MIAT: variants seen among roughly 807,000 people sequenced by gnomAD.
MIAT encodes the protein MI related novel mRNA.
At chr22:26,670,635 T>G (rs1311128470), downstream of MIAT, 2 of 386,348 alleles carry the variant, frequency 5.2e-6, no homozygotes, top group East Asian at 7.2e-5. Context: ...AAGCAGGTTC[T>G]AATTCAAATT....
At chr22:26,667,098 G>T in intron 4 of MIAT, 2 of 395,306 alleles carry the variant, frequency 5.1e-6, no homozygotes, top group Non-Finnish European at 8.9e-6. Flanking sequence ...TGCTTGCTCT[G>T]TGTGGTCTTG....
chr22:26,651,789 CA>C (rs1930340675), intron 2 of MIAT, among the ~76,000 whole-genome samples: 1 of 152,214 alleles, frequency 6.6e-6, no homozygotes, highest in South Asian at 2.1e-4. Context: ...GAAGCCAGCA[CA>C]AAAGGTCACA....
intron 2 of MIAT, among the ~76,000 whole-genome samples, chr22:26,656,800 C>G (rs937706943): frequency 6.6e-6 from 1 of 152,054 alleles, no homozygotes; most frequent in Admixed American, 6.6e-5. Flanking sequence ...ACTCCGAAGG[C>G]TGAGGCGGGG....
intron 2 of MIAT, among the ~76,000 whole-genome samples, chr22:26,651,504 G>C (rs1243571212): frequency 6.6e-6 from 1 of 152,184 alleles, no homozygotes; most frequent in Admixed American, 6.5e-5. Flanking sequence ...ACTAAGGCAA[G>C]GTGGGGGAAT....
chr22:26,661,600 C>T (rs1294324258), intron 2 of MIAT, among the ~76,000 whole-genome samples: 1 of 152,034 alleles, frequency 6.6e-6, no homozygotes, highest in African/African-American at 2.4e-5. Context: ...GGGAAACAGG[C>T]TCAGAGAGGT....
rs561570311 is a variant in MIAT, at chr22:26,654,537, G to A, written n.646+7226G>A. 3.3e-3 allele frequency among the ~76,000 whole-genome samples: 507 copies of A among 152,142 alleles called. 1 individual carries two copies. Among genetic ancestry groups the A allele is most frequent in the Non-Finnish European group, 5.0e-3 (337 of 67,984 alleles). ...TATTTCCCTTTTTGTTTGTGTCTAG[G>A]GAGACTAGACTGGTGAATTAGGGGG... is the stretch of plus-strand genomic sequence containing the variant. On this transcript the variant is annotated intron_variant and non_coding_transcript_variant, in intron 2 of 5. Transcript: ENST00000643270.
intron 2 of MIAT, among the ~76,000 whole-genome samples, chr22:26,661,777 T>A (rs1930670535): frequency 6.6e-6 from 1 of 151,462 alleles, no homozygotes; most frequent in South Asian, 2.1e-4. Flanking sequence ...CGGCATAAAC[T>A]GAACAGAGAT....
chr22:26,674,111 A>G, downstream of MIAT: 2 of 398,660 alleles, frequency 5.0e-6, no homozygotes. Context: ...TGGAAGTTCT[A>G]GGACATAAAG....
intron 2 of MIAT, among the ~76,000 whole-genome samples, chr22:26,653,293 G>A (rs1235949132): frequency 1.3e-5 from 2 of 152,170 alleles, no homozygotes; most frequent in African/African-American, 2.4e-5. Flanking sequence ...CTGAACATGA[G>A]GGTCCACTCC....
At chr22:26,647,928 AG>A (rs1930265944) in intron 2 of MIAT, among the ~76,000 whole-genome samples, 1 of 151,948 alleles carries the variant, frequency 6.6e-6, no homozygotes, top group Non-Finnish European at 1.5e-5. Context: ...GTGAAACTGG[AG>A]GAAGGGTGTT....
chr22:26,674,235 C>T (rs534059272), downstream of MIAT: 47 of 398,570 alleles, frequency 1.2e-4, no homozygotes, highest in Middle Eastern at 6.2e-4. Flanking sequence ...ATAAACTCTT[C>T]TGTGCAATTT....
At chr22:26,666,699 G>T (rs1487982489) in exon 4 of MIAT, 2 of 398,538 alleles carry the variant, frequency 5.0e-6, no homozygotes, top group Non-Finnish European at 4.4e-6. Context: ...AGGATGTTCT[G>T]GGGTGGAATA....
At chr22:26,662,537 T>A (rs1401825184) in intron 2 of MIAT, among the ~76,000 whole-genome samples, 1 of 152,244 alleles carries the variant, frequency 6.6e-6, no homozygotes, top group African/African-American at 2.4e-5. Flanking sequence ...GAATCTCCTC[T>A]TTTGTGGACA....
At chr22:26,672,624 G>A (rs1378161158), downstream of MIAT, 4 of 399,096 alleles carry the variant, frequency 1.0e-5, no homozygotes, top group African/African-American at 2.1e-5. Flanking sequence ...CCATTGTTAA[G>A]TGACGGGGAT....
In MIAT at chr22:26,660,461, C is replaced by CA. The variant is rs58234097; in HGVS notation, n.647-2835dup. Reference sequence around the variant, plus strand: ...CTAGCCTGGGTGACGGAGACTATCTCAAAAAAAAAAAAAAAAAAAAGAAGA... The same window carrying CA: ...CTAGCCTGGGTGACGGAGACTATCTCAAAAAAAAAAAAAAAAAAAAAGAAGA... On this transcript the variant is annotated intron_variant and non_coding_transcript_variant, in intron 2 of 5. Coordinates refer to ENST00000643270, the Ensembl canonical transcript of MIAT. Among the ~76,000 whole-genome samples the CA allele has an allele frequency of 3.8e-3, 402 of 107,108 alleles. 5 individuals carry two copies. The highest frequency in any genetic ancestry group is 9.0e-3 in the African/African-American group (247 of 27,312). The allele number at this position is 107,108 out of a possible 152,430, so 70.3% of individuals were successfully genotyped here. A position where few individuals can be genotyped will look rare whatever the true frequency, so the allele number is the denominator to read the frequency against.
At chr22:26,660,604 T>G (rs1267462190) in intron 2 of MIAT, 1 of 152,198 alleles carries the variant, frequency 6.6e-6, no homozygotes, top group African/African-American at 2.4e-5. Context: ...CAGTGTTTCA[T>G]GGAGGAGATA....
intron 2 of MIAT, among the ~76,000 whole-genome samples, chr22:26,660,030 T>G (rs1930608837): frequency 6.6e-6 from 1 of 151,406 alleles, no homozygotes; most frequent in African/African-American, 2.4e-5. Flanking sequence ...GAGCCGGGGT[T>G]TTGGCATGTT....
At chr22:26,668,730 G>A in exon 6 of MIAT, 1 of 399,232 alleles carries the variant, frequency 2.5e-6, no homozygotes, top group East Asian at 3.6e-5. Flanking sequence ...GTGCGTAATT[G>A]TCATTTTGTG....
exon 4 of MIAT, chr22:26,665,730 T>A (rs1569221971): frequency 2.5e-6 from 1 of 398,578 alleles, no homozygotes. Context: ...ATGGGTGATG[T>A]AGCTCATTCT....
Sources: allele counts gnomAD v4.1 joint callset (sites outside exome capture counted in the v4.1 genomes callset), GRCh38; gene constraint gnomAD v4.1.1; transcripts MANE v1.5; gene names NCBI Gene and HGNC (gene_info 2026-07-23, HGNC 2026-07-21).